USP1: variants seen among roughly 807,000 people sequenced by gnomAD.
The protein encoded by USP1 is ubiquitin specific peptidase 1.
Under a neutral mutation model 72.2 loss-of-function variants are expected in USP1, and 18 were observed. That is an observed-to-expected ratio of 0.25 (90% confidence interval 0.17 to 0.37). The LOEUF (loss-of-function observed/expected upper bound fraction) is 0.37, where lower values mean the gene tolerates loss of function less well. Among genes scored for constraint, USP1 ranks in the 10% least tolerant of loss-of-function variants. USP1 has a pLI of 1.00. For missense variants in USP1, 759 were observed against 884.9 expected, an observed-to-expected ratio of 0.86 and a Z score of 1.81; for synonymous variants, 354 against 303.7, an observed-to-expected ratio of 1.17 and a Z score of -1.72.
intron 1 of USP1, among the ~76,000 whole-genome samples, chr1:62,439,227 C>T (rs1645115138): frequency 6.6e-6 from 1 of 152,132 alleles, no homozygotes; most frequent in South Asian, 2.1e-4. Context: ...CTCTATGGCC[C>T]AGGCTGGAGT....
rs1160190446 is a variant in USP1, at chr1:62,442,201, T to C, written c.298T>C (p.Tyr100His). ...CYLNSILQVL[Y>H]FCPGFKSGVK... ...ACAATCTCACTTTTTATAGGTATTA[T>C]ATTTTTGTCCCGGTTTTAAATCTGG... Residue 100 changes from tyrosine (Y) to histidine (H), a missense_variant, in exon 4 of 9, where the codon TAT becomes CAT. By Grantham distance (83) the Tyr-to-His change is moderately conservative. Coordinates refer to ENST00000339950, the MANE Select transcript of USP1 (RefSeq NM_003368.5). The C allele has an allele frequency of 6.3e-6, 10 of 1,575,786 alleles. No homozygotes were observed. Among genetic ancestry groups the C allele is most frequent in the Non-Finnish European group, 8.7e-6 (10 of 1,150,888 alleles).
At chr1:62,443,881 C>T (rs190338040) in intron 5 of USP1, among the ~76,000 whole-genome samples, 1 of 152,152 alleles carries the variant, frequency 6.6e-6, no homozygotes, top group Non-Finnish European at 1.5e-5. Flanking sequence ...TATTCAAATA[C>T]AATTATAGGG....
chr1:62,450,378 T>G lies in USP1; in HGVS notation c.1755T>G (p.Ser585Arg). ...GATTATTTGCGGTTGTGATGCATAGTGGCATTACAATTAGTAGTGGGCATT... is the reference window on the plus strand; with the variant it reads ...GATTATTTGCGGTTGTGATGCATAGGGGCATTACAATTAGTAGTGGGCATT... ...SYGLFAVVMH[S>R]GITISSGHYT... The change falls in exon 9 of 9, where the codon AGT (serine) becomes AGG (arginine). Residue 585 changes from serine (S) to arginine (R), a missense_variant. Ser to Arg is a moderately radical substitution (Grantham distance 110). Coordinates refer to ENST00000339950, the MANE Select transcript of USP1 (RefSeq NM_003368.5). 1 of 1,614,154 alleles carries G rather than the reference T, an allele frequency of 6.2e-7. No individual in the cohort carries two copies. The highest frequency in any genetic ancestry group is 8.5e-7 in the Non-Finnish European group (1 of 1,180,032).
At chr1:62,444,476 A>G (rs1645156091) in intron 5 of USP1, among the ~76,000 whole-genome samples, 1 of 152,062 alleles carries the variant, frequency 6.6e-6, no homozygotes. Flanking sequence ...TTTGACTAAA[A>G]CCTGGTGTAT....
At position 62,437,228 on chromosome 1, in the gene USP1, C is replaced by T. The variant is rs1645094901; in HGVS notation, c.-242C>T. Reference sequence around the variant, plus strand: ...ACGGGAGCGAGCGGCGGTCGGGGTTCCCGCTCTTGGGAGCGGATGGTCACT... The same window carrying T: ...ACGGGAGCGAGCGGCGGTCGGGGTTTCCGCTCTTGGGAGCGGATGGTCACT... On this transcript the variant is annotated 5_prime_UTR_variant, in exon 1 of 9. Coordinates refer to ENST00000339950, the MANE Select transcript of USP1 (RefSeq NM_003368.5). The T allele has an allele frequency of 7.5e-6, 3 of 398,258 alleles. No individual in the cohort carries two copies. Among genetic ancestry groups the T allele is most frequent in the Non-Finnish European group, 8.9e-6 (2 of 225,920 alleles). 24.7% of individuals were successfully genotyped at this position (398,258 alleles called of 1,614,324 possible). A position where few individuals can be genotyped will look rare whatever the true frequency, so the allele number is the denominator to read the frequency against.
At chr1:62,446,087 T>C (rs1031861511) in intron 6 of USP1, among the ~76,000 whole-genome samples, 2 of 152,216 alleles carry the variant, frequency 1.3e-5, no homozygotes, top group African/African-American at 4.8e-5. Flanking sequence ...TGAAGGACAT[T>C]GCATTTAGTG....
At chr1:62,444,429 T>C (rs528560790) in intron 5 of USP1, among the ~76,000 whole-genome samples, 1 of 152,280 alleles carries the variant, frequency 6.6e-6, no homozygotes, top group East Asian at 1.9e-4. Flanking sequence ...CATAGGGTTA[T>C]TGTGAAGATA....
At chr1:62,447,285 G>T in intron 6 of USP1, 56 bp from the exon 7 acceptor site, 3 of 1,493,434 alleles carry the variant, frequency 2.0e-6, no homozygotes, top group South Asian at 1.3e-5. Flanking sequence ...TTGGTTATTT[G>T]GACTATAATG....
chr1:62,436,852 G>T, upstream of USP1: 2 of 354,300 alleles, frequency 5.6e-6, no homozygotes, highest in Admixed American at 9.5e-5. Flanking sequence ...TGTGGAACCC[G>T]TTAGGCTTTT....
chr1:62,442,718 G>T (rs1645142275), intron 4 of USP1, among the ~76,000 whole-genome samples: 1 of 152,072 alleles, frequency 6.6e-6, no homozygotes, highest in South Asian at 2.1e-4. Flanking sequence ...TTACAAAAAA[G>T]ACCAGACGTG....
At chr1:62,443,523 A>G (rs979574146) in intron 5 of USP1, among the ~76,000 whole-genome samples, 1 of 152,214 alleles carries the variant, frequency 6.6e-6, no homozygotes, top group Non-Finnish European at 1.5e-5. Flanking sequence ...AACATATTAT[A>G]TGAGGCTTTT....
intron 3 of USP1, 84 bp downstream of exon 3, chr1:62,441,692 CT>C (rs1320370049): frequency 2.8e-6 from 4 of 1,434,476 alleles, no homozygotes; most frequent in Non-Finnish European, 3.7e-6. Context: ...TATTGGAGGA[CT>C]TTAATGTCCA....
chr1:62,450,734 G>A lies in USP1; in HGVS notation c.2111G>A (p.Ser704Asn). ...GCTGAAAATAGAAATTCTGAGACTAGTGATACTACTGGGACCCATGAATCT... is the reference window on the plus strand; with the variant it reads ...GCTGAAAATAGAAATTCTGAGACTAATGATACTACTGGGACCCATGAATCT... The part of the protein sequence containing the change: ...AFAENRNSET[S>N]DTTGTHESDR... Residue 704 changes from serine to asparagine, a missense_variant, in exon 9 of 9, where the codon AGT becomes AAT. Coordinates refer to ENST00000339950, the MANE Select transcript of USP1 (RefSeq NM_003368.5). 1 of 1,613,978 alleles carries A rather than the reference G, an allele frequency of 6.2e-7. No individual in the cohort carries two copies. The highest frequency in any genetic ancestry group is 8.5e-7 in the Non-Finnish European group (1 of 1,179,968).
At position 62,447,498 on chromosome 1, in the gene USP1, G is replaced by A; in HGVS notation, c.1407G>A (p.Glu469=). ...PVQEDELSKV[E]ESSEISPEPK... ...AAGAAGATGAGCTTTCCAAAGTAGA[G>A]GAGAGTTCTGAAAGTAAGCAAAATT... Residue 469 remains glutamate (E), a synonymous_variant, in exon 7 of 9, where the codon GAG becomes GAA. Transcript: ENST00000339950. The A allele has an allele frequency of 1.9e-6, 3 of 1,612,578 alleles. No homozygotes were observed. The highest frequency in any genetic ancestry group is 1.3e-5 in the African/African-American group (1 of 74,884).
Position 62,437,119 on chromosome 1 carries a change from G to T in USP1, c.-351G>T, listed in dbSNP as rs1321809613. On this transcript the variant is annotated 5_prime_UTR_variant, in exon 1 of 9. Transcript: ENST00000339950. Reference sequence around the variant, plus strand: ...AGCGGTTCAGGCGTTCGGCGAGCGGGGCCGCTGCTTGTTGCGCTCCTGGCT... The same window carrying T: ...AGCGGTTCAGGCGTTCGGCGAGCGGTGCCGCTGCTTGTTGCGCTCCTGGCT... 1 of 399,062 alleles carries T rather than the reference G, an allele frequency of 2.5e-6. No individual in the cohort carries two copies. The highest frequency in any genetic ancestry group is 4.4e-6 in the Non-Finnish European group (1 of 226,172). The allele number at this position is 399,062 out of a possible 1,614,324, so 24.7% of individuals were successfully genotyped here. A position where few individuals can be genotyped will look rare whatever the true frequency, so the allele number is the denominator to read the frequency against.
chr1:62,449,652 A>T (rs1645199676), intron 8 of USP1, among the ~76,000 whole-genome samples: 1 of 152,148 alleles, frequency 6.6e-6, no homozygotes, highest in African/African-American at 2.4e-5. Context: ...TGGGTGGCTC[A>T]CACCTGTAAT....
At position 62,443,144 on chromosome 1, in the gene USP1, T is replaced by C. The variant is rs1269164973; in HGVS notation, c.397-15T>C. ...GTTCATAAAATTATTGGTTTGTGTG[T>C]TTCTTTCTTGACAGGGAAATTGCAA... On this transcript the variant is annotated splice_polypyrimidine_tract_variant and intron_variant, in intron 4 of 8. Coordinates refer to ENST00000339950, the MANE Select transcript of USP1 (RefSeq NM_003368.5). 3 of 1,605,404 alleles carry C rather than the reference T, an allele frequency of 1.9e-6. No individual in the cohort carries two copies. The highest frequency in any genetic ancestry group is 2.7e-5 in the African/African-American group (2 of 74,278).
rs765853947 is a variant in USP1, at chr1:62,450,861, G to A, written c.2238G>A (p.Lys746=). ...VVQSLKEYEG[K]WLLFDDSEVK... ...AAAGCTTAAAGGAGTATGAGGGGAA[G>A]TGGTTGCTTTTTGATGATTCTGAAG... Residue 746 remains lysine, a synonymous_variant, in exon 9 of 9, where the codon AAG becomes AAA. Coordinates refer to ENST00000339950, the MANE Select transcript of USP1 (RefSeq NM_003368.5). The A allele has an allele frequency of 3.7e-6, 6 of 1,613,960 alleles. No homozygotes were observed. Among genetic ancestry groups the A allele is most frequent in the South Asian group, 1.1e-5 (1 of 91,078 alleles).
At position 62,450,392 on chromosome 1, in the gene USP1, G is replaced by T. The variant is rs1645206144; in HGVS notation, c.1769G>T (p.Ser590Ile). The T allele has an allele frequency of 6.2e-7, 1 of 1,613,992 alleles. No individual in the cohort carries two copies. The highest frequency in any genetic ancestry group is 8.5e-7 in the Non-Finnish European group (1 of 1,180,032). ...GTGATGCATAGTGGCATTACAATTA[G>T]TAGTGGGCATTACACTGCTTCTGTT... ...AVVMHSGITI[S>I]SGHYTASVKV... Residue 590 changes from serine to isoleucine, a missense_variant, in exon 9 of 9, where the codon AGT (serine) becomes ATT (isoleucine). Ser to Ile is a moderately radical substitution (Grantham distance 142, BLOSUM62 -2). Coordinates refer to ENST00000339950, the MANE Select transcript of USP1 (RefSeq NM_003368.5).
Sources: allele counts gnomAD v4.1 joint callset (sites outside exome capture counted in the v4.1 genomes callset), GRCh38; gene constraint gnomAD v4.1.1; transcripts MANE v1.5; gene names NCBI Gene and HGNC (gene_info 2026-07-23, HGNC 2026-07-21).